Variants in CD96 observed in about 807,000 individuals in gnomAD.
CD96 encodes T-cell surface protein tactile.
CD96 carries 70 observed loss-of-function variants against 71.3 expected under a neutral mutation model. That is an observed-to-expected ratio of 0.98 (90% CI 0.81 to 1.20). The LOEUF (loss-of-function observed/expected upper bound fraction) is 1.20. CD96 is among the 50% of genes most tolerant of loss of function. The pLI is 0.00. For synonymous variants in CD96, 248 were observed against 233.0 expected, an observed-to-expected ratio of 1.06 and a Z score of -0.59; for missense variants, 742 against 677.5, an observed-to-expected ratio of 1.10 and a Z score of -1.06.
rs369557464 is a variant in CD96, at chr3:111,662,465, C to A, written c.*53-3062C>A. On this transcript the variant is annotated intron_variant and NMD_transcript_variant, in intron 14 of 14. Transcript: ENST00000494798. ...CATGGTTGGGCTACAAATTTTCCAA[C>A]CTTTTATGCTGTGCTTCCTTTTTAA... 2.0e-5 allele frequency among the ~76,000 whole-genome samples: 3 copies of A among 152,196 alleles called. No homozygotes were observed. In the South Asian group the frequency reaches 6.2e-4, roughly 31 times the overall value.
chr3:111,558,895 G>C, intron 2 of CD96, among the ~76,000 whole-genome samples: 1 of 151,844 alleles, frequency 6.6e-6, no homozygotes, highest in Non-Finnish European at 1.5e-5. Flanking sequence ...TCCTGTTATT[G>C]GTCTATTCAG....
chr3:111,576,471 C>G (rs185151443), intron 3 of CD96, among the ~76,000 whole-genome samples: 1 of 152,262 alleles, frequency 6.6e-6, no homozygotes, highest in Admixed American at 6.5e-5. Flanking sequence ...TCTAAAATTT[C>G]TATTAAATTT....
chr3:111,577,285 G>T (rs1487946379), intron 3 of CD96, among the ~76,000 whole-genome samples: 2 of 152,068 alleles, frequency 1.3e-5, no homozygotes, highest in African/African-American at 2.4e-5. Flanking sequence ...CTAAAATCCT[G>T]ACACACAAAA....
At chr3:111,551,424 T>C (rs1273122478) in intron 2 of CD96, among the ~76,000 whole-genome samples, 1 of 151,782 alleles carries the variant, frequency 6.6e-6, no homozygotes, top group Non-Finnish European at 1.5e-5. Flanking sequence ...AAAAACGGAG[T>C]GTGATTGGGA....
intron 14 of CD96, among the ~76,000 whole-genome samples, chr3:111,665,132 G>A (rs1940450923): frequency 6.6e-6 from 1 of 151,960 alleles, no homozygotes; most frequent in Non-Finnish European, 1.5e-5. Context: ...AGTAAAGGGG[G>A]TAAATTGTTA....
At chr3:111,566,699 T>G (rs1935729269) in intron 2 of CD96, among the ~76,000 whole-genome samples, 1 of 152,162 alleles carries the variant, frequency 6.6e-6, no homozygotes, top group African/African-American at 2.4e-5. Context: ...TAGGAGAGAC[T>G]ACAAAATGGA....
rs1381812087 is a variant in CD96, at chr3:111,600,776, C to A, written c.949C>A (p.Leu317Met). 1 of 1,613,516 alleles carries A rather than the reference C, an allele frequency of 6.2e-7. No individual in the cohort carries two copies. Among genetic ancestry groups the A allele is most frequent in the Admixed American group, 1.7e-5 (1 of 60,018 alleles). ...AAAAGGCAAAGATGGATTTTTGGAA[C>A]TGAAGTCTGTTTTAACAAGGGTACA... ...ERKGKDGFLE[L>M]KSVLTRVHSN... Residue 317 changes from leucine (L) to methionine (M), a missense_variant, in exon 7 of 14, where the codon CTG (leucine) becomes ATG (methionine). By Grantham distance (15) the Leu-to-Met change is conservative. Transcript: ENST00000352690.
chr3:111,613,903 T>G (rs1297135905), intron 8 of CD96, among the ~76,000 whole-genome samples: 1 of 152,254 alleles, frequency 6.6e-6, no homozygotes, highest in African/African-American at 2.4e-5. Context: ...TGTACTTGGT[T>G]GATTAAATAA....
chr3:111,629,587 G>T (rs534874548), intron 10 of CD96, among the ~76,000 whole-genome samples: 3 of 152,246 alleles, frequency 2.0e-5, no homozygotes, highest in African/African-American at 7.2e-5. Context: ...ACACCCCAGT[G>T]AAAATATTAG....
intron 4 of CD96, among the ~76,000 whole-genome samples, chr3:111,579,823 C>T (rs892898824): frequency 6.6e-5 from 10 of 152,152 alleles, no homozygotes; most frequent in African/African-American, 1.7e-4. Flanking sequence ...TGAAAGGCCC[C>T]AGCTCTCAAT....
At chr3:111,595,192 C>A (rs1021043752) in intron 5 of CD96, 1 of 154,950 alleles carries the variant, frequency 6.5e-6, no homozygotes, top group African/African-American at 2.4e-5. Flanking sequence ...AGCCCGACTT[C>A]TCTCTCCTTT....
At chr3:111,616,133 A>G (rs1938223793) in intron 8 of CD96, among the ~76,000 whole-genome samples, 1 of 151,930 alleles carries the variant, frequency 6.6e-6, no homozygotes, top group Non-Finnish European at 1.5e-5. Flanking sequence ...ACCGTCTATA[A>G]GTTACCTGTT....
At chr3:111,603,232 A>G (rs569885177) in intron 7 of CD96, among the ~76,000 whole-genome samples, 1 of 152,218 alleles carries the variant, frequency 6.6e-6, no homozygotes, top group Non-Finnish European at 1.5e-5. Context: ...GCTTAAGTGC[A>G]GAAGTTCAAG....
At chr3:111,573,651 A>G (rs2107566583) in intron 3 of CD96, among the ~76,000 whole-genome samples, 1 of 152,364 alleles carries the variant, frequency 6.6e-6, no homozygotes, top group African/African-American at 2.4e-5. Flanking sequence ...GAAGAGAAGG[A>G]CAAGAATATT....
intron 10 of CD96, among the ~76,000 whole-genome samples, chr3:111,628,271 A>G (rs145134162): frequency 1.1e-3 from 167 of 152,326 alleles, no homozygotes; most frequent in African/African-American, 3.8e-3. Flanking sequence ...CAAAGAAGCT[A>G]AGAATCATGA....
chr3:111,616,696 T>A (rs1203935745), intron 8 of CD96, among the ~76,000 whole-genome samples: 1 of 152,144 alleles, frequency 6.6e-6, no homozygotes, highest in Non-Finnish European at 1.5e-5. Context: ...GTCATTCTGA[T>A]GGCAGCAGCT....
At chr3:111,635,590 A>G (rs888744109) in intron 10 of CD96, among the ~76,000 whole-genome samples, 1 of 152,220 alleles carries the variant, frequency 6.6e-6, no homozygotes, top group African/African-American at 2.4e-5. Context: ...GGGAAAATCA[A>G]TATTGACCAG....
chr3:111,649,851 T>C lies in CD96; in HGVS notation c.*45T>C, dbSNP rs377244237. 11 of 1,175,002 alleles carry C rather than the reference T, an allele frequency of 9.4e-6. No individual in the cohort carries two copies. The African/African-American group carries it at 1.5e-4, about 16-fold the overall frequency. 72.8% of individuals were successfully genotyped at this position (1,175,002 alleles called of 1,614,324 possible). On this transcript the variant is annotated 3_prime_UTR_variant, in exon 14 of 14. Transcript: ENST00000352690. Reference sequence around the variant, plus strand: ...ATGGCAGAACTCTGCTGGAATCCTATTGAGAAGGTAGACATTGTGCTTTAT... The same window carrying C: ...ATGGCAGAACTCTGCTGGAATCCTACTGAGAAGGTAGACATTGTGCTTTAT...
rs76684033 is a variant in CD96 at position 111,665,096 on chromosome 3, C to G, written c.*53-431C>G. On this transcript the variant is annotated intron_variant and NMD_transcript_variant, in intron 14 of 14. Transcript: ENST00000494798. ...GTATAGATATACATGTATATGCATACAGAGAGAGATGGAAGCAAATGACAA... is the reference window on the plus strand; with the variant it reads ...GTATAGATATACATGTATATGCATAGAGAGAGAGATGGAAGCAAATGACAA... Among the ~76,000 whole-genome samples, 7 of 151,808 alleles carry G rather than the reference C, an allele frequency of 4.6e-5. No individual in the cohort carries two copies. The East Asian group carries it at 1.4e-3, about 29-fold the overall frequency.
Sources: allele counts gnomAD v4.1 joint callset (sites outside exome capture counted in the v4.1 genomes callset), GRCh38; gene constraint gnomAD v4.1.1; transcripts MANE v1.5; gene names NCBI Gene and HGNC (gene_info 2026-07-23, HGNC 2026-07-21).